MEGF11: variants seen among roughly 807,000 people sequenced by gnomAD.
MEGF11 encodes multiple EGF like domains 11.
Under a neutral mutation model 146.6 loss-of-function variants are expected in MEGF11, and 126 were observed. That is an observed-to-expected ratio of 0.86 (90% CI 0.74 to 1.00). The LOEUF (loss-of-function observed/expected upper bound fraction) is 1.00. Ranked by LOEUF, MEGF11 falls within the 50% of genes least tolerant of loss-of-function variation. MEGF11 has a pLI of 0.00. For synonymous variants in MEGF11, 532 were observed against 583.4 expected (o/e 0.91, Z 1.27); for missense variants, 1,509 against 1,521.2 (o/e 0.99, Z 0.13).
At chr15:66,198,509 G>A (rs1055581440) in intron 1 of MEGF11, among the ~76,000 whole-genome samples, 29 of 151,904 alleles carry the variant, frequency 1.9e-4, no homozygotes, top group Admixed American at 1.9e-3. Flanking sequence ...TTTTTGAGAC[G>A]GAGTCTCACT....
chr15:66,099,921 T>G (rs1266480700), intron 4 of MEGF11, among the ~76,000 whole-genome samples: 1 of 151,926 alleles, frequency 6.6e-6, no homozygotes, highest in Non-Finnish European at 1.5e-5. Flanking sequence ...GGAGACACAG[T>G]CCAGAGTCAA....
chr15:66,014,443 T>A (rs1000389775), intron 5 of MEGF11, among the ~76,000 whole-genome samples: 2 of 152,216 alleles, frequency 1.3e-5, no homozygotes, highest in African/African-American at 4.8e-5. Flanking sequence ...TTTGGTTATG[T>A]CAAACAATGA....
rs565625188 is a variant in MEGF11 at position 66,137,466 on chromosome 15, A to G, written c.-8-9055T>C. Reference sequence around the variant, plus strand: ...CACGGGCATACGGTGTGCGTGTGCCAACAGTGAGGGAGGAAGGACAGGAAG... The same window carrying G: ...CACGGGCATACGGTGTGCGTGTGCCGACAGTGAGGGAGGAAGGACAGGAAG... On this transcript the variant is annotated intron_variant, in intron 1 of 25. Transcript: ENST00000395614. Among the ~76,000 whole-genome samples the G allele has an allele frequency of 7.2e-5, 11 of 152,338 alleles. No individual in the cohort carries two copies. The South Asian group carries it at 1.5e-3, about 20-fold the overall frequency.
At chr15:66,164,098 G>C (rs1043208565) in intron 1 of MEGF11, among the ~76,000 whole-genome samples, 1 of 152,164 alleles carries the variant, frequency 6.6e-6, no homozygotes, top group African/African-American at 2.4e-5. Flanking sequence ...TTGCAGGGGT[G>C]GGGTGGGGTG....
chr15:65,982,123 A>G lies in MEGF11; in HGVS notation c.641+119T>C. The G allele has an allele frequency of 8.3e-7, 1 of 1,204,512 alleles. No homozygotes were observed. Among genetic ancestry groups the G allele is most frequent in the Non-Finnish European group, 1.1e-6 (1 of 914,612 alleles). The allele number at this position is 1,204,512 out of a possible 1,614,324, so 74.6% of individuals were successfully genotyped here. ...CAGGGCTGGGCGTGCAGCTGCGGTG[A>G]GGGCAGCCACTCCAGGCCCCGCCCC... On this transcript the variant is annotated intron_variant, in intron 6 of 25. Coordinates refer to ENST00000395614, the MANE Select transcript of MEGF11 (RefSeq NM_001385028.1). The surrounding 1 kb of genome is among the most constrained non-coding windows in gnomAD (Gnocchi z 5.6).
chr15:65,959,362 A>G (rs1360442030), intron 9 of MEGF11, among the ~76,000 whole-genome samples: 1 of 152,214 alleles, frequency 6.6e-6, no homozygotes, highest in Non-Finnish European at 1.5e-5. Context: ...GTGGACAGGA[A>G]CAGGCAATTC....
chr15:66,056,286 G>A (rs1597036268), intron 5 of MEGF11, among the ~76,000 whole-genome samples: 1 of 151,580 alleles, frequency 6.6e-6, no homozygotes, highest in East Asian at 1.9e-4. Context: ...GGGGCAGGGT[G>A]TGGGGTGGTA....
Position 66,110,969 on chromosome 15 carries a change from GACTGAC to G in MEGF11, c.301+8111_301+8116del. On this transcript the variant is annotated intron_variant, in intron 4 of 25. Coordinates refer to ENST00000395614, the MANE Select transcript of MEGF11 (RefSeq NM_001385028.1). ...TCCAAACCTCCTCCCCTGCCCTCTTGACTGACCCCACTTCTCTCTTCTGGCCACAGG... is the reference window on the plus strand; with the variant it reads ...TCCAAACCTCCTCCCCTGCCCTCTTGCCCACTTCTCTCTTCTGGCCACAGG... Among the ~76,000 whole-genome samples, 13 of 151,922 alleles carry G rather than the reference GACTGAC, an allele frequency of 8.6e-5. No individual in the cohort carries two copies. In the South Asian group the frequency reaches 1.9e-3, roughly 22 times the overall value.
At chr15:66,059,218 A>G (rs2140398872) in intron 5 of MEGF11, among the ~76,000 whole-genome samples, 1 of 152,250 alleles carries the variant, frequency 6.6e-6, no homozygotes, top group South Asian at 2.1e-4. Context: ...CCCAGCCCAG[A>G]GCTGTTCCCT....
chr15:66,204,979 ATTTTTTT>A (rs34157473), intron 1 of MEGF11, among the ~76,000 whole-genome samples: 1 of 125,156 alleles, frequency 8.0e-6, no homozygotes, highest in East Asian at 2.3e-4. Flanking sequence ...CTTGGGTTGA[ATTTTTTT>A]TTTTTTTTTT....
chr15:66,102,561 GA>G (rs2086868514), intron 4 of MEGF11, among the ~76,000 whole-genome samples: 1 of 151,566 alleles, frequency 6.6e-6, no homozygotes, highest in African/African-American at 2.4e-5. Flanking sequence ...CAAATAGCTG[GA>G]ACTATAGGCA....
chr15:66,248,503 T>C (rs1324831351), intron 1 of MEGF11, among the ~76,000 whole-genome samples: 1 of 152,242 alleles, frequency 6.6e-6, no homozygotes, highest in Non-Finnish European at 1.5e-5. Flanking sequence ...CAATAAGTAT[T>C]CAATCTATAT....
At chr15:66,151,846 G>C (rs1019278082) in intron 1 of MEGF11, among the ~76,000 whole-genome samples, 3 of 152,304 alleles carry the variant, frequency 2.0e-5, no homozygotes, top group Non-Finnish European at 2.9e-5. Flanking sequence ...GATAAGAAGG[G>C]GAGCAGGGCT....
At chr15:65,979,015 A>C (rs1410043914) in intron 7 of MEGF11, among the ~76,000 whole-genome samples, 4 of 151,380 alleles carry the variant, frequency 2.6e-5, no homozygotes, top group Non-Finnish European at 5.9e-5. Flanking sequence ...TCAATATAGA[A>C]ACTAGATTAA....
intron 4 of MEGF11, among the ~76,000 whole-genome samples, chr15:66,111,567 C>G (rs562114751): frequency 2.0e-5 from 3 of 152,240 alleles, no homozygotes; most frequent in Non-Finnish European, 4.4e-5. Flanking sequence ...CACCACCCCC[C>G]ACCCCCAGCG....
At chr15:66,029,388 T>A (rs892286203) in intron 5 of MEGF11, among the ~76,000 whole-genome samples, 2 of 152,138 alleles carry the variant, frequency 1.3e-5, no homozygotes, top group African/African-American at 4.8e-5. Flanking sequence ...CTCTTTACAC[T>A]CACCTTTCCT....
At chr15:66,025,513 C>T (rs977498648) in intron 5 of MEGF11, among the ~76,000 whole-genome samples, 16 of 152,054 alleles carry the variant, frequency 1.1e-4, no homozygotes, top group African/African-American at 3.4e-4. Flanking sequence ...ACGGTGGAGT[C>T]GGACTTTTGC....
intron 10 of MEGF11, among the ~76,000 whole-genome samples, chr15:65,947,211 C>T (rs1275972455): frequency 6.6e-6 from 1 of 152,120 alleles, no homozygotes; most frequent in Non-Finnish European, 1.5e-5. Flanking sequence ...TTGATAATTA[C>T]TCTTGCAGAT....
At chr15:66,099,203 TC>T (rs1482797892) in intron 4 of MEGF11, among the ~76,000 whole-genome samples, 2 of 108,740 alleles carry the variant, frequency 1.8e-5, no homozygotes, top group African/African-American at 3.6e-5. Context: ...CCCTCCTTTT[TC>T]TTTTTTTTTT....
Sources: gnomAD v4.1 joint callset for allele counts (sites outside exome capture counted in the v4.1 genomes callset) on GRCh38, gnomAD v4.1.1 for gene constraint, Gnocchi (gnomAD v3.1) non-coding constraint, MANE v1.5 for transcripts, NCBI Gene and HGNC (gene_info 2026-07-23, HGNC 2026-07-21) for gene names.